RYR1: variants seen among roughly 807,000 people sequenced by gnomAD.
RYR1 encodes the protein central core disease of muscle.
In RYR1, 342 loss-of-function variants were observed where a neutral mutation model predicts 583.5. The ratio of observed to expected loss-of-function variants is 0.59; its 90% CI spans 0.54 to 0.64. The LOEUF is 0.64. Ranked by LOEUF, RYR1 falls within the 30% of genes least tolerant of loss-of-function variation. RYR1 has a pLI of 0.00. For synonymous variants in RYR1, 2,791 were observed against 2,822.5 expected (o/e 0.99, Z 0.35); for missense variants, 6,032 against 6,917.2 (o/e 0.87, Z 4.54).
rs1423017609 is a variant in RYR1, at chr19:38,502,524, C to T, written c.7632C>T (p.Thr2544=). The stretch of plus-strand genomic sequence containing the variant: ...CGCCCTAGGCCACTTTCAGCACCAC[C>T]GAGATGGCGCTGGCGCTGAACCGCT... The part of the protein sequence containing the change: ...ASLDTATFST[T]EMALALNRYL... The change falls in exon 48 of 106, where the codon ACC becomes ACT. Residue 2544 remains threonine (T), a synonymous_variant. Coordinates refer to ENST00000359596, the MANE Select transcript of RYR1 (RefSeq NM_000540.3). 7 of 1,608,326 alleles carry T rather than the reference C, an allele frequency of 4.4e-6. No homozygotes were observed. The highest frequency in any genetic ancestry group is 2.2e-5 in the South Asian group (2 of 90,768).
chr19:38,528,963 CAGGAGGAGG>C lies in RYR1; in HGVS notation c.11055_11063del (p.Glu3687_Glu3689del), dbSNP rs760784102. 2 of 1,607,308 alleles carry C rather than the reference CAGGAGGAGG, an allele frequency of 1.2e-6. No individual in the cohort carries two copies. Among genetic ancestry groups the C allele is most frequent in the Non-Finnish European group, 1.7e-6 (2 of 1,176,418 alleles). On this transcript the variant is annotated inframe_deletion, in exon 76 of 106. Transcript: ENST00000359596. ...CCTCTCCCACCAGAAAGCTGGGGAG[CAGGAGGAGG>C]AGGAGGAAGAGGTGGAAGAGAAGAA...
chr19:38,562,647 G>C (rs944479032), intron 90 of RYR1, among the ~76,000 whole-genome samples: 1 of 151,982 alleles, frequency 6.6e-6, no homozygotes, highest in African/African-American at 2.4e-5. Flanking sequence ...CAAACCCTTG[G>C]CTCCCCTTCC....
intron 76 of RYR1, 50 bp from the exon 77 acceptor site, chr19:38,532,440 T>C: frequency 6.3e-7 from 1 of 1,594,512 alleles, no homozygotes; most frequent in Non-Finnish European, 8.6e-7. Context: ...TCTTATAAGA[T>C]GGGGGTCCTC....
intron 66 of RYR1, 92 bp from the exon 67 acceptor site, chr19:38,519,122 T>G: frequency 3.7e-6 from 6 of 1,601,270 alleles, no homozygotes; most frequent in Non-Finnish European, 4.3e-6. Flanking sequence ...GCTGCTAGGT[T>G]GGAGATGCTG....
Position 38,504,853 on chromosome 19 carries a change from A to C in RYR1, c.8173A>C (p.Lys2725Gln). ...TGCCTCATACTCATCTAAGGCAGAG[A>C]AAAAGGCCACAGTGGATGCTGAAGG... ...VDASYSSKAEKKATVDAEGNF... is the reference protein window; with the variant it reads ...VDASYSSKAEQKATVDAEGNF... The change falls in exon 51 of 106, where the codon AAA (lysine) becomes CAA (glutamine). Residue 2725 changes from lysine (K) to glutamine (Q), a missense_variant. Lys to Gln is a moderately conservative substitution (Grantham distance 53). Around this residue, in one of 11 missense-constraint regions of RYR1, gnomAD observed 1,493 missense variants for 1,715.5 expected, o/e 0.87. Coordinates refer to ENST00000359596, the MANE Select transcript of RYR1 (RefSeq NM_000540.3). 6.2e-7 allele frequency: 1 copy of C among 1,613,754 alleles called. No individual in the cohort carries two copies. The highest frequency in any genetic ancestry group is 8.5e-7 in the Non-Finnish European group (1 of 1,179,750).
chr19:38,581,970 T>A (rs1049404804), intron 101 of RYR1, among the ~76,000 whole-genome samples: 1 of 152,174 alleles, frequency 6.6e-6, no homozygotes, highest in Non-Finnish European at 1.5e-5. Context: ...CCCTGCCACT[T>A]ATGAGCCGTG....
chr19:38,562,717 C>T (rs776261906), intron 90 of RYR1, among the ~76,000 whole-genome samples: 158 of 152,296 alleles, frequency 1.0e-3, no homozygotes, highest in Admixed American at 2.0e-3. Context: ...CACTCATACT[C>T]CTCCTGTCCC....
intron 20 of RYR1, among the ~76,000 whole-genome samples, chr19:38,462,681 A>G (rs1273030958): frequency 6.6e-6 from 1 of 152,140 alleles, no homozygotes; most frequent in Non-Finnish European, 1.5e-5. Context: ...TATCGCTATG[A>G]TCCTCATACG....
rs193922842 is a variant in RYR1, at chr19:38,543,821, C to G, written c.11958C>G (p.Asp3986Glu). The change falls in exon 87 of 106, where the codon GAC (aspartate) becomes GAG (glutamate). Residue 3986 changes from aspartate to glutamate, a missense_variant. By Grantham distance (45) the Asp-to-Glu change is conservative. Around this residue, in one of 11 missense-constraint regions of RYR1, gnomAD observed 82 missense variants for 139.7 expected, o/e 0.59. Transcript: ENST00000359596. The surrounding 1 kb of genome is among the most constrained non-coding windows in gnomAD (Gnocchi z 4.4). ...GCCTGGCGCACAGTCGCCTATGGGA[C>G]GCAGTGGTGGGATTCCTGCACGTGT... ...QQSLAHSRLW[D>E]AVVGFLHVFA... is the part of the protein sequence containing the mutation. 2 of 1,613,960 alleles carry G rather than the reference C, an allele frequency of 1.2e-6. No homozygotes were observed. The highest frequency in any genetic ancestry group is 1.7e-6 in the Non-Finnish European group (2 of 1,180,026).
chr19:38,511,940 G>A (rs1334873730), intron 61 of RYR1, 132 bp from the exon 62 acceptor site: 3 of 1,063,856 alleles, frequency 2.8e-6, no homozygotes. Context: ...CTGGGGGGGT[G>A]GGGGTGCAGT....
At position 38,449,498 on chromosome 19, in the gene RYR1, A is replaced by G. The variant is rs1966967773; in HGVS notation, c.1122+685A>G. Among the ~76,000 whole-genome samples the G allele has an allele frequency of 2.0e-5, 3 of 151,550 alleles. No individual in the cohort carries two copies. The South Asian group carries it at 6.3e-4, about 32-fold the overall frequency. Reference sequence around the variant, plus strand: ...AACAAAACAAAACAAAAACAAAAACAGAGAGAGTGAGAAAAAGATGGATAA... The same window carrying G: ...AACAAAACAAAACAAAAACAAAAACGGAGAGAGTGAGAAAAAGATGGATAA... On this transcript the variant is annotated intron_variant, in intron 11 of 105. Coordinates refer to ENST00000359596, the MANE Select transcript of RYR1 (RefSeq NM_000540.3).
chr19:38,444,533 C>A lies in RYR1; in HGVS notation c.538-51C>A. 2 of 1,530,528 alleles carry A rather than the reference C, an allele frequency of 1.3e-6. No individual in the cohort carries two copies. Among genetic ancestry groups the A allele is most frequent in the Non-Finnish European group, 1.8e-6 (2 of 1,111,798 alleles). The allele number at this position is 1,530,528 out of a possible 1,614,324, so 94.8% of individuals were successfully genotyped here. A position where few individuals can be genotyped will look rare whatever the true frequency, so the allele number is the denominator to read the frequency against. On this transcript the variant is annotated intron_variant, in intron 6 of 105. Coordinates refer to ENST00000359596, the MANE Select transcript of RYR1 (RefSeq NM_000540.3). The surrounding 1 kb of genome is among the most constrained non-coding windows in gnomAD (Gnocchi z 5.1). ...ATTTCTGGCCTCTGACGCTGGGACTCTCGCCCACCCCTGCAATCGTCTCTG... is the reference window on the plus strand; with the variant it reads ...ATTTCTGGCCTCTGACGCTGGGACTATCGCCCACCCCTGCAATCGTCTCTG...
rs1969447414 is a variant in RYR1, at chr19:38,489,329, A to G, written c.5700A>G (p.Ala1900=). ...EEKEEDEEET[A]QEKEDEEKEE... Reference sequence around the variant, plus strand: ...AGGAGGAGGATGAGGAGGAAACAGCACAGGAAAAGGAAGATGAGGAAAAAG... The same window carrying G: ...AGGAGGAGGATGAGGAGGAAACAGCGCAGGAAAAGGAAGATGAGGAAAAAG... The change falls in exon 35 of 106, where the codon GCA becomes GCG. Residue 1900 remains alanine (A), a synonymous_variant. Transcript: ENST00000359596. The G allele has an allele frequency of 6.2e-7, 1 of 1,607,586 alleles. No homozygotes were observed. The highest frequency in any genetic ancestry group is 1.3e-5 in the African/African-American group (1 of 74,784).
rs148892609 is a variant in RYR1, at chr19:38,519,435, C to A, written c.10240C>A (p.Arg3414Ser). 6.3e-7 allele frequency: 1 copy of A among 1,598,638 alleles called. No individual in the cohort carries two copies. Among genetic ancestry groups the A allele is most frequent in the East Asian group, 2.3e-5 (1 of 43,638 alleles). ...CTACGCCCTGTATCCGCTGCTCATC[C>A]GCTACGTGGACAACAACAGGTCAGC... ...DLYALYPLLI[R>S]YVDNNRAQWL... is the part of the protein sequence containing the mutation. The change falls in exon 67 of 106, where the codon CGC becomes AGC. Residue 3414 changes from arginine to serine, a missense_variant. Arg to Ser is a moderately radical substitution (Grantham distance 110, BLOSUM62 -1). Transcript: ENST00000359596.
At position 38,499,158 on chromosome 19, in the gene RYR1, G is replaced by A. The variant is rs1600817998; in HGVS notation, c.6942G>A (p.Val2314=). 1 of 1,614,204 alleles carries A rather than the reference G, an allele frequency of 6.2e-7. No individual in the cohort carries two copies. Among genetic ancestry groups the A allele is most frequent in the Non-Finnish European group, 8.5e-7 (1 of 1,180,032 alleles). The part of the protein sequence containing the change: ...GCGLQSCPML[V]AKGYPDIGWN... ...GCCTCCAGAGCTGCCCCATGCTTGT[G>A]GCCAAAGGGTACCCAGACATTGGCT... The change falls in exon 43 of 106, where the codon GTG becomes GTA. Residue 2314 remains valine (V), a synonymous_variant. Transcript: ENST00000359596. This position sits in a 1 kb window ranked among gnomAD's most constrained non-coding sequence, Gnocchi z 7.3.
intron 38 of RYR1, among the ~76,000 whole-genome samples, 159 bp downstream of exon 38, chr19:38,492,795 G>C (rs1441281239): frequency 6.6e-6 from 1 of 152,068 alleles, no homozygotes; most frequent in Non-Finnish European, 1.5e-5. Flanking sequence ...GGAAGCAGGC[G>C]TGGTGGCTCA....
At chr19:38,585,797 A>G (rs1659070975) in intron 102 of RYR1, 141 bp from the exon 103 acceptor site, 1 of 1,046,916 alleles carries the variant, frequency 9.6e-7, no homozygotes, top group Non-Finnish European at 1.5e-6. Context: ...AAGGCCTAAT[A>G]CTATCTTCTT....
intron 12 of RYR1, 116 bp downstream of exon 12, chr19:38,452,001 TA>T: frequency 6.9e-7 from 1 of 1,440,348 alleles, no homozygotes; most frequent in Non-Finnish European, 9.7e-7. Context: ...GTCTAACATA[TA>T]CATGGGCCAA....
intron 58 of RYR1, among the ~76,000 whole-genome samples, chr19:38,508,790 G>A (rs1433245329): frequency 1.3e-5 from 2 of 152,156 alleles, no homozygotes; most frequent in African/African-American, 4.8e-5. Flanking sequence ...AAGCTGTGAT[G>A]AGGACTTTGA....
Sources: allele counts gnomAD v4.1 joint callset (sites outside exome capture counted in the v4.1 genomes callset), GRCh38; gene constraint gnomAD v4.1.1; regional missense constraint gnomAD v4.1.1; non-coding constraint Gnocchi (gnomAD v3.1); transcripts MANE v1.5; gene names NCBI Gene and HGNC (gene_info 2026-07-23, HGNC 2026-07-21).